WDR19: variants seen among roughly 807,000 people sequenced by gnomAD.
The protein encoded by WDR19 is WD repeat domain 19.
Under a neutral mutation model 180.0 loss-of-function variants are expected in WDR19, and 121 were observed. That is an observed-to-expected ratio of 0.67 (90% CI 0.58 to 0.78). The LOEUF (loss-of-function observed/expected upper bound fraction) is 0.78, where lower values mean the gene tolerates loss of function less well. WDR19 is among the 30% of genes least tolerant of loss of function. The pLI, the probability that WDR19 is intolerant of heterozygous loss-of-function variation, is 0.00. For synonymous variants in WDR19, 497 were observed against 540.7 expected (o/e 0.92, Z 1.12); for missense variants, 1,450 against 1,640.7 (o/e 0.88, Z 2.01).
rs1320817388 is a variant in WDR19 at position 39,217,121 on chromosome 4, A to G, written c.1250-13A>G. The G allele has an allele frequency of 3.8e-6, 6 of 1,578,044 alleles. No individual in the cohort carries two copies. Among genetic ancestry groups the G allele is most frequent in the Non-Finnish European group, 5.2e-6 (6 of 1,158,292 alleles). On this transcript the variant is annotated splice_polypyrimidine_tract_variant and intron_variant, in intron 12 of 36. Transcript: ENST00000399820. ...CAACATTTTAATGTGTTGGTTTTTA[A>G]AAATTGCTACAGCTGTGAAAAAATT...
chr4:39,239,648 C>A (rs1332191140), intron 20 of WDR19, among the ~76,000 whole-genome samples: 1 of 152,108 alleles, frequency 6.6e-6, no homozygotes, highest in East Asian at 1.9e-4. Context: ...AGCTGCACAT[C>A]CTGCACGTGT....
At chr4:39,278,101 G>T in intron 34 of WDR19, 30 bp from the exon 35 acceptor site, 1 of 1,542,568 alleles carries the variant, frequency 6.5e-7, no homozygotes, top group Non-Finnish European at 8.8e-7. Flanking sequence ...AAATAAAGAT[G>T]AATTTAACTC....
At chr4:39,216,417 A>G (rs1729076237) in intron 12 of WDR19, among the ~76,000 whole-genome samples, 1 of 152,238 alleles carries the variant, frequency 6.6e-6, no homozygotes, top group African/African-American at 2.4e-5. Flanking sequence ...TGAAGGCAGC[A>G]TAGCATAGTG....
intron 32 of WDR19, chr4:39,274,014 A>T (rs1735653333): frequency 6.6e-6 from 1 of 152,242 alleles, no homozygotes; most frequent in Non-Finnish European, 1.5e-5. Flanking sequence ...TCTCATGAAT[A>T]ATACGTAAAC....
chr4:39,253,486 T>C (rs1733451491), intron 25 of WDR19, among the ~76,000 whole-genome samples, 194 bp downstream of exon 25: 1 of 152,118 alleles, frequency 6.6e-6, no homozygotes, highest in African/African-American at 2.4e-5. Context: ...GCATATAATA[T>C]AGAACTGCAT....
chr4:39,205,047 T>C (rs1281511085), intron 7 of WDR19, 107 bp from the exon 8 acceptor site: 1 of 711,330 alleles, frequency 1.4e-6, no homozygotes, highest in Non-Finnish European at 2.3e-6. Flanking sequence ...ACATCTAAAT[T>C]GGGCTTATTA....
chr4:39,200,650 A>G (rs1727272708), intron 6 of WDR19, among the ~76,000 whole-genome samples: 1 of 152,200 alleles, frequency 6.6e-6, no homozygotes, highest in Admixed American at 6.5e-5. Context: ...GCAGCCATTC[A>G]AGACTGAAGC....
At chr4:39,278,071 A>T in intron 34 of WDR19, 60 bp from the exon 35 acceptor site, 1 of 1,397,774 alleles carries the variant, frequency 7.2e-7, no homozygotes, top group South Asian at 1.3e-5. Flanking sequence ...AAAAAAATTG[A>T]CTAACAGTGG....
chr4:39,211,841 A>G (rs540206501), intron 9 of WDR19, among the ~76,000 whole-genome samples: 12 of 152,254 alleles, frequency 7.9e-5, no homozygotes, highest in African/African-American at 2.9e-4. Context: ...CAGTTCCCCC[A>G]GGTTGATCTA....
At chr4:39,247,189 C>T (rs1293971901) in intron 24 of WDR19, among the ~76,000 whole-genome samples, 6 of 152,148 alleles carry the variant, frequency 3.9e-5, no homozygotes, top group Non-Finnish European at 7.4e-5. Context: ...GCAGCATTTG[C>T]GGTTCACCAA....
intron 30 of WDR19, among the ~76,000 whole-genome samples, chr4:39,269,252 G>T (rs571411602): frequency 6.6e-6 from 1 of 152,304 alleles, no homozygotes; most frequent in Admixed American, 6.5e-5. Flanking sequence ...TTATGCAGGG[G>T]TGTGACCTTG....
chr4:39,260,049 CCTT>C (rs998420407), intron 28 of WDR19, among the ~76,000 whole-genome samples: 2 of 151,970 alleles, frequency 1.3e-5, no homozygotes, highest in African/African-American at 4.8e-5. Context: ...CTTATTCTCT[CCTT>C]CTCTCTCTCT....
Position 39,207,146 on chromosome 4 carries a change from C to G in WDR19, c.890+1410C>G, listed in dbSNP as rs943216298. Among the ~76,000 whole-genome samples, 3 of 151,934 alleles carry G rather than the reference C, an allele frequency of 2.0e-5. No homozygotes were observed. In the South Asian group the frequency reaches 6.2e-4, roughly 32 times the overall value. On this transcript the variant is annotated intron_variant, in intron 9 of 36. Coordinates refer to ENST00000399820, the MANE Select transcript of WDR19 (RefSeq NM_025132.4). ...GAAAGTCTCAGAAAAGAAATAGAAC[C>G]AATAAAGAAGAACCAAATGGAAATT... is the stretch of plus-strand genomic sequence containing the variant.
chr4:39,228,076 G>A (rs1197218112), intron 15 of WDR19, 134 bp from the exon 16 acceptor site: 22 of 850,970 alleles, frequency 2.6e-5, no homozygotes, highest in Non-Finnish European at 3.7e-5. Context: ...CTTTCCTGTT[G>A]TTGTTGGAGT....
Position 39,194,723 on chromosome 4 carries a change from G to A in WDR19, c.406+64G>A, listed in dbSNP as rs891113496. On this transcript the variant is annotated intron_variant, in intron 5 of 36. Coordinates refer to ENST00000399820, the MANE Select transcript of WDR19 (RefSeq NM_025132.4). Reference sequence around the variant, plus strand: ...GCTCTACCTCAATGTAAATTCTGCCGCCTCAGGTTTCCCTGATCTTGCAAT... The same window carrying A: ...GCTCTACCTCAATGTAAATTCTGCCACCTCAGGTTTCCCTGATCTTGCAAT... 3.8e-5 allele frequency: 48 copies of A among 1,278,904 alleles called. No homozygotes were observed. The Admixed American group carries it at 5.0e-4, about 13-fold the overall frequency. 79.2% of individuals were successfully genotyped at this position (1,278,904 alleles called of 1,614,324 possible).
chr4:39,193,784 T>C (rs569446295), intron 4 of WDR19, among the ~76,000 whole-genome samples: 1 of 152,352 alleles, frequency 6.6e-6, no homozygotes, highest in East Asian at 1.9e-4. Context: ...GGAGGGCTTA[T>C]GAAAACACAG....
chr4:39,220,323 A>T (rs1729527966), intron 14 of WDR19, among the ~76,000 whole-genome samples: 2 of 151,796 alleles, frequency 1.3e-5, no homozygotes, highest in African/African-American at 4.8e-5. Context: ...TATGATTATC[A>T]TTATTGTTTT....
rs193273000 is a variant in WDR19, at chr4:39,228,504, C to T, written c.1796C>T (p.Ala599Val). 24 of 1,613,806 alleles carry T rather than the reference C, an allele frequency of 1.5e-5. 1 individual carries two copies. In the Admixed American group the frequency reaches 2.8e-4, roughly 19 times the overall value. ...DTIQGAKVIL[A>V]GSTKVPFAHK... ...AATGTAGGAGCCAAGGTTATTTTGG[C>T]TGGTAGCACCAAAGTTCCTTTTGCT... is the stretch of plus-strand genomic sequence containing the variant. Residue 599 changes from alanine to valine, a missense_variant, in exon 17 of 37, where the codon GCT becomes GTT. Ala to Val is a moderately conservative substitution (Grantham distance 64). Transcript: ENST00000399820.
chr4:39,253,984 A>G lies in WDR19; in HGVS notation c.2955A>G (p.Thr985=). 6.2e-7 allele frequency: 1 copy of G among 1,612,824 alleles called. No homozygotes were observed. The highest frequency in any genetic ancestry group is 8.5e-7 in the Non-Finnish European group (1 of 1,179,094). The part of the protein sequence containing the change: ...VMSKCNNEAF[T]LAQQHNKMEI... ...CCAAATGCAACAATGAAGCTTTCAC[A>G]CTGGCTCAGCAACACAACAAAATGG... The change falls in exon 26 of 37, where the codon ACA becomes ACG. Residue 985 remains threonine, a synonymous_variant. Coordinates refer to ENST00000399820, the MANE Select transcript of WDR19 (RefSeq NM_025132.4).
Sources: allele counts gnomAD v4.1 joint callset (sites outside exome capture counted in the v4.1 genomes callset), GRCh38; gene constraint gnomAD v4.1.1; transcripts MANE v1.5; gene names NCBI Gene and HGNC (gene_info 2026-07-23, HGNC 2026-07-21).